Variants in UCHL3 observed in about 807,000 individuals in gnomAD.
The protein encoded by UCHL3 is ubiquitin C-terminal hydrolase L3.
Under a neutral mutation model 35.8 loss-of-function variants are expected in UCHL3, and 22 were observed. That is an observed-to-expected ratio of 0.61 (90% confidence interval 0.44 to 0.88). UCHL3 has a LOEUF of 0.88. Ranked by LOEUF, UCHL3 falls within the 40% of genes least tolerant of loss-of-function variation. UCHL3 has a pLI of 0.00. For synonymous variants in UCHL3, 90 were observed against 92.8 expected (o/e 0.97, Z 0.17); for missense variants, 229 against 276.9 (o/e 0.83, Z 1.23).
At chr13:75,561,032 G>A in intron 3 of UCHL3, 151 bp downstream of exon 3, 2 of 630,296 alleles carry the variant, frequency 3.2e-6, no homozygotes, top group Non-Finnish European at 4.8e-6. Flanking sequence ...CCAGGCTCAA[G>A]CGATCCTCCC....
At chr13:75,564,618 A>G (rs1392988474) in intron 3 of UCHL3, among the ~76,000 whole-genome samples, 1 of 152,186 alleles carries the variant, frequency 6.6e-6, no homozygotes, top group Non-Finnish European at 1.5e-5. Context: ...CCAACAGTGC[A>G]CTTGGGTTCC....
intron 3 of UCHL3, among the ~76,000 whole-genome samples, chr13:75,562,613 A>G (rs1016799768): frequency 4.6e-5 from 7 of 152,112 alleles, no homozygotes; most frequent in Non-Finnish European, 8.8e-5. Flanking sequence ...TCTGAATTGG[A>G]AATTTCCAAA....
intron 7 of UCHL3, chr13:75,604,518 G>A (rs537921371): frequency 2.6e-5 from 9 of 349,490 alleles, no homozygotes; most frequent in East Asian, 4.3e-5. Context: ...TTCAGGAAAC[G>A]AAAGCCAGCA....
intron 6 of UCHL3, among the ~76,000 whole-genome samples, chr13:75,592,457 T>TGTATATAC (rs2032532970): frequency 9.4e-6 from 1 of 106,632 alleles, no homozygotes; most frequent in African/African-American, 3.2e-5. Context: ...TATATATATA[T>TGTATATAC]ATATATATAT....
chr13:75,590,745 GA>G (rs1173191346), intron 6 of UCHL3, among the ~76,000 whole-genome samples: 5 of 152,126 alleles, frequency 3.3e-5, no homozygotes, highest in African/African-American at 4.8e-5. Flanking sequence ...AGTAGGAAAT[GA>G]AGATTTTCTC....
chr13:75,569,339 A>T, intron 5 of UCHL3, 121 bp from the exon 6 acceptor site: 2 of 671,232 alleles, frequency 3.0e-6, no homozygotes, highest in Non-Finnish European at 4.9e-6. Context: ...CTTTTCTTAA[A>T]TTTCCTTCAA....
chr13:75,591,524 A>G (rs1474885240), intron 6 of UCHL3, among the ~76,000 whole-genome samples: 1 of 152,184 alleles, frequency 6.6e-6, no homozygotes, highest in Non-Finnish European at 1.5e-5. Flanking sequence ...AAATGTTCCA[A>G]ATATAAATGA....
At chr13:75,568,330 T>C (rs1273574472) in intron 5 of UCHL3, among the ~76,000 whole-genome samples, 4 of 152,032 alleles carry the variant, frequency 2.6e-5, no homozygotes, top group Non-Finnish European at 5.9e-5. Context: ...TGCATTCCAA[T>C]ATACTTTGAG....
At chr13:75,561,788 T>G (rs2031504649) in intron 3 of UCHL3, among the ~76,000 whole-genome samples, 1 of 149,640 alleles carries the variant, frequency 6.7e-6, no homozygotes. Context: ...TCTGTGTGTG[T>G]GTATATATGT....
At chr13:75,583,261 A>G (rs533984745) in intron 6 of UCHL3, among the ~76,000 whole-genome samples, 2 of 152,306 alleles carry the variant, frequency 1.3e-5, no homozygotes, top group South Asian at 4.1e-4. Context: ...TCCTATTTTG[A>G]ATGTTGTAAA....
At position 75,594,808 on chromosome 13, in the gene UCHL3, A is replaced by G. The variant is rs2138573769; in HGVS notation, c.475-107A>G. The G allele has an allele frequency of 4.8e-6, 4 of 827,570 alleles. No individual in the cohort carries two copies. In the East Asian group the frequency reaches 8.5e-5, roughly 18 times the overall value. The allele number at this position is 827,570 out of a possible 1,614,324, so 51.3% of individuals were successfully genotyped here. ...CATTAAGCCTTGAATTATATTGGAT[A>G]AATGTTCTCTTATATAATTTGATGT... On this transcript the variant is annotated intron_variant, in intron 6 of 8. Transcript: ENST00000377595.
intron 6 of UCHL3, among the ~76,000 whole-genome samples, chr13:75,592,436 A>ACATATATG (rs1410639250): frequency 1.1e-5 from 1 of 94,206 alleles, no homozygotes; most frequent in African/African-American, 4.3e-5. Context: ...ATATATATAT[A>ACATATATG]TATATATATA....
At chr13:75,604,727 T>A in intron 7 of UCHL3, 42 bp from the exon 8 acceptor site, 1 of 1,548,752 alleles carries the variant, frequency 6.5e-7, no homozygotes, top group Non-Finnish European at 8.7e-7. Flanking sequence ...CATTATCCTG[T>A]AAAAACAGCT....
At chr13:75,605,656 A>G (rs2032920914) in intron 8 of UCHL3, 73 bp from the exon 9 acceptor site, 1 of 1,427,056 alleles carries the variant, frequency 7.0e-7, no homozygotes, top group African/African-American at 1.4e-5. Context: ...AATTAGAAAA[A>G]TATGAAATGT....
intron 3 of UCHL3, 85 bp from the exon 4 acceptor site, chr13:75,566,610 A>G (rs2031689928): frequency 6.1e-6 from 5 of 814,654 alleles, no homozygotes; most frequent in Non-Finnish European, 8.6e-6. Flanking sequence ...AATATTTTTT[A>G]TCATTTGCAT....
intron 3 of UCHL3, among the ~76,000 whole-genome samples, chr13:75,564,115 A>G (rs1370494235): frequency 6.6e-6 from 1 of 151,556 alleles, no homozygotes; most frequent in Admixed American, 6.6e-5. Flanking sequence ...TATCTTGGCT[A>G]TCCTGAGTAA....
chr13:75,554,725 C>T (rs1446875543), intron 2 of UCHL3, among the ~76,000 whole-genome samples: 1 of 152,092 alleles, frequency 6.6e-6, no homozygotes, highest in East Asian at 1.9e-4. Context: ...TCTTCCAATG[C>T]TTGTCCTTAG....
intron 6 of UCHL3, among the ~76,000 whole-genome samples, chr13:75,585,611 A>G (rs1187019194): frequency 1.3e-5 from 2 of 152,146 alleles, no homozygotes; most frequent in Admixed American, 6.6e-5. Flanking sequence ...ATGAAGGTAA[A>G]TATAAAATAA....
At chr13:75,584,787 C>G (rs1214161053) in intron 6 of UCHL3, among the ~76,000 whole-genome samples, 1 of 151,942 alleles carries the variant, frequency 6.6e-6, no homozygotes, top group East Asian at 1.9e-4. Context: ...AATGGAAATG[C>G]CAGTAATGAA....
Sources: gnomAD v4.1 joint callset for allele counts (sites outside exome capture counted in the v4.1 genomes callset) on GRCh38, gnomAD v4.1.1 for gene constraint, MANE v1.5 for transcripts, NCBI Gene and HGNC (gene_info 2026-07-23, HGNC 2026-07-21) for gene names.